TAFA1: variants seen among roughly 807,000 people sequenced by gnomAD.
TAFA1 encodes the protein chemokine-like protein TAFA-1.
In TAFA1, 4 loss-of-function variants were observed where a neutral mutation model predicts 18.5. The ratio of observed to expected loss-of-function variants is 0.22; its 90% CI spans 0.11 to 0.49. The LOEUF (loss-of-function observed/expected upper bound fraction) is 0.49, where lower values mean the gene tolerates loss of function less well. Among genes scored for constraint, TAFA1 ranks in the 20% least tolerant of loss-of-function variants. The pLI, the probability that TAFA1 is intolerant of heterozygous loss-of-function variation, is 0.98. For synonymous variants in TAFA1, 56 were observed against 55.2 expected (o/e 1.01, Z -0.06); for missense variants, 147 against 169.0 (o/e 0.87, Z 0.72).
intron 2 of TAFA1, among the ~76,000 whole-genome samples, chr3:68,306,579 T>C (rs2068426743): frequency 6.6e-6 from 1 of 152,206 alleles, no homozygotes; most frequent in South Asian, 2.1e-4. Flanking sequence ...AATTTGGTCT[T>C]ATACAAATTT....
intron 2 of TAFA1, among the ~76,000 whole-genome samples, chr3:68,358,801 G>A (rs567511540): frequency 1.1e-3 from 173 of 151,926 alleles, no homozygotes; most frequent in Non-Finnish European, 2.1e-3. Flanking sequence ...TAAACATGTA[G>A]CATAATGGAG....
chr3:68,040,879 C>A (rs1207290054), intron 2 of TAFA1, among the ~76,000 whole-genome samples: 1 of 152,158 alleles, frequency 6.6e-6, no homozygotes, highest in African/African-American at 2.4e-5. Context: ...AAGTTTTGAG[C>A]AAAGTAGTAA....
intron 2 of TAFA1, among the ~76,000 whole-genome samples, chr3:68,084,741 C>T (rs1489414893): frequency 2.0e-5 from 3 of 150,248 alleles, no homozygotes; most frequent in Non-Finnish European, 4.4e-5. Flanking sequence ...GAGGTTGCAG[C>T]GAGCCGAGAT....
chr3:68,196,163 T>C (rs1463248828), intron 2 of TAFA1, among the ~76,000 whole-genome samples: 3 of 151,722 alleles, frequency 2.0e-5, no homozygotes, highest in African/African-American at 7.3e-5. Flanking sequence ...CATCTGTGTA[T>C]AAGCAGCTCC....
chr3:68,422,923 C>T (rs73835139), intron 3 of TAFA1, among the ~76,000 whole-genome samples: 5,909 of 151,890 alleles, frequency 0.039, 335 homozygotes, highest in African/African-American at 0.12. Flanking sequence ...ATATTACCTA[C>T]AGCCTTTCAT....
At chr3:68,398,945 C>T (rs2070435242) in intron 2 of TAFA1, among the ~76,000 whole-genome samples, 1 of 152,114 alleles carries the variant, frequency 6.6e-6, no homozygotes, top group South Asian at 2.1e-4. Context: ...AAAAATTTCT[C>T]TCTCATTTAG....
At chr3:68,394,044 T>A (rs990093330) in intron 2 of TAFA1, among the ~76,000 whole-genome samples, 1 of 149,292 alleles carries the variant, frequency 6.7e-6, no homozygotes, top group African/African-American at 2.4e-5. Context: ...AAATATGCAT[T>A]TAGAAAACCA....
chr3:68,340,965 C>T (rs146201397), intron 2 of TAFA1, among the ~76,000 whole-genome samples: 110 of 152,236 alleles, frequency 7.2e-4, no homozygotes, highest in African/African-American at 2.4e-3. Flanking sequence ...GGAAGCCTTC[C>T]TGGAAGAGAT....
At chr3:68,488,735 G>A (rs1186693363) in intron 3 of TAFA1, among the ~76,000 whole-genome samples, 1 of 152,184 alleles carries the variant, frequency 6.6e-6, no homozygotes, top group Non-Finnish European at 1.5e-5. Flanking sequence ...AATATGATGA[G>A]TGCTCAATAT....
intron 2 of TAFA1, among the ~76,000 whole-genome samples, chr3:68,300,877 A>G (rs959613652): frequency 1.3e-5 from 2 of 152,074 alleles, no homozygotes; most frequent in Admixed American, 6.6e-5. Context: ...CCCTTCCACC[A>G]TGATTGTAAG....
chr3:68,286,895 C>T (rs1168080141), intron 2 of TAFA1, among the ~76,000 whole-genome samples: 1 of 152,216 alleles, frequency 6.6e-6, no homozygotes, highest in African/African-American at 2.4e-5. Flanking sequence ...ACAGGACAGC[C>T]AGGCCCCCTG....
At chr3:68,234,354 T>C (rs1443223220) in intron 2 of TAFA1, among the ~76,000 whole-genome samples, 1 of 152,204 alleles carries the variant, frequency 6.6e-6, no homozygotes, top group African/African-American at 2.4e-5. Context: ...TTTAGGTTTC[T>C]TTCACATTAA....
intron 2 of TAFA1, among the ~76,000 whole-genome samples, chr3:68,009,306 A>G (rs900679926): frequency 6.6e-6 from 1 of 152,240 alleles, no homozygotes. Context: ...ATTGGGGGTT[A>G]TGTATAATAA....
At chr3:68,506,077 C>A (rs952960745) in intron 3 of TAFA1, among the ~76,000 whole-genome samples, 25 of 151,790 alleles carry the variant, frequency 1.6e-4, no homozygotes, top group African/African-American at 5.3e-4. Context: ...GCATGATGTT[C>A]CCCCCTCTGT....
chr3:68,003,966 T>C (rs2106763154), upstream of TAFA1, among the ~76,000 whole-genome samples: 1 of 152,342 alleles, frequency 6.6e-6, no homozygotes, highest in South Asian at 2.1e-4. Context: ...AAATGGCTTA[T>C]ATTTCACTTT....
At chr3:68,479,960 T>C (rs1447436835) in intron 3 of TAFA1, among the ~76,000 whole-genome samples, 1 of 152,132 alleles carries the variant, frequency 6.6e-6, no homozygotes, top group Non-Finnish European at 1.5e-5. Context: ...GCTAACATGG[T>C]TTGAGACAAG....
At chr3:68,439,428 T>C (rs1455327045) in intron 3 of TAFA1, among the ~76,000 whole-genome samples, 3 of 133,890 alleles carry the variant, frequency 2.2e-5, no homozygotes, top group Non-Finnish European at 3.2e-5. Context: ...TATATATATA[T>C]ATATATATAT....
chr3:68,204,367 C>A (rs983725893), intron 2 of TAFA1, among the ~76,000 whole-genome samples: 1 of 151,776 alleles, frequency 6.6e-6, no homozygotes, highest in Non-Finnish European at 1.5e-5. Context: ...ATGGGAAAGC[C>A]CCCCACTTAC....
At chr3:68,191,105 G>A (rs2066334622) in intron 2 of TAFA1, among the ~76,000 whole-genome samples, 1 of 151,804 alleles carries the variant, frequency 6.6e-6, no homozygotes, top group African/African-American at 2.4e-5. Flanking sequence ...GTGAAGAGAT[G>A]GGAGAGGTGA....
Sources: allele counts gnomAD v4.1 joint callset (sites outside exome capture counted in the v4.1 genomes callset), GRCh38; gene constraint gnomAD v4.1.1; transcripts MANE v1.5; gene names NCBI Gene and HGNC (gene_info 2026-07-23, HGNC 2026-07-21).